Variants in RAB40C observed in about 807,000 individuals in gnomAD.
RAB40C encodes the protein ras-related protein Rab-40C.
A neutral mutation model predicts 28.1 loss-of-function variants in RAB40C; 8 were observed. The ratio of observed to expected loss-of-function variants is 0.28; its 90% confidence interval spans 0.17 to 0.51. The LOEUF (loss-of-function observed/expected upper bound fraction) is 0.51. Among genes scored for constraint, RAB40C ranks in the 20% least tolerant of loss-of-function variants. The pLI, the probability that RAB40C is intolerant of heterozygous loss-of-function variation, is 0.97. For missense variants in RAB40C, 288 were observed against 405.9 expected, an observed-to-expected ratio of 0.71 and a Z score of 2.50; for synonymous variants, 201 against 171.7, an observed-to-expected ratio of 1.17 and a Z score of -1.34.
At chr16:594,104 C>T (rs868573235) in intron 1 of RAB40C, among the ~76,000 whole-genome samples, 2 of 152,168 alleles carry the variant, frequency 1.3e-5, no homozygotes, top group East Asian at 1.9e-4. Context: ...CAGGGGGCAT[C>T]GAAGGTCCTG....
chr16:624,268 C>T lies in RAB40C; in HGVS notation c.265-1164C>T, dbSNP rs540331233. ...GCTTTGGTGGCCCACTCCCCAGTCT[C>T]TCCACCTCCCCCAGCAGCAAATGAG... On this transcript the variant is annotated intron_variant, in intron 3 of 5. Transcript: ENST00000248139. 3 of 985,450 alleles carry T rather than the reference C, an allele frequency of 3.0e-6. No homozygotes were observed. In the African/African-American group the frequency reaches 5.2e-5, roughly 17 times the overall value. 61.0% of individuals were successfully genotyped at this position (985,450 alleles called of 1,614,324 possible).
chr16:624,608 C>T (rs1567194821), intron 3 of RAB40C: 1 of 985,334 alleles, frequency 1.0e-6, no homozygotes, highest in Non-Finnish European at 1.2e-6. Context: ...CTTCTTTCAG[C>T]CTCAGCCTCT....
chr16:623,917 C>T (rs2036773314), intron 3 of RAB40C: 1 of 981,826 alleles, frequency 1.0e-6, no homozygotes, highest in Admixed American at 6.2e-5. Context: ...GCCTGGCTGA[C>T]AGAGTGAGAC....
chr16:613,252 G>T (rs1245367360), intron 1 of RAB40C, among the ~76,000 whole-genome samples: 1 of 149,704 alleles, frequency 6.7e-6, no homozygotes, highest in African/African-American at 2.5e-5. Flanking sequence ...AGGGACAGCC[G>T]CCCTGGCCTG....
intron 1 of RAB40C, among the ~76,000 whole-genome samples, chr16:603,083 GC>G (rs2036289163): frequency 1.3e-5 from 2 of 152,190 alleles, no homozygotes; most frequent in Non-Finnish European, 1.5e-5. Context: ...AGTAGCTGGG[GC>G]CAGACCTGTG....
Position 616,181 on chromosome 16 carries a change from G to A in RAB40C, c.143-1027G>A, listed in dbSNP as rs148864190. On this transcript the variant is annotated intron_variant, in intron 1 of 5. Transcript: ENST00000248139. ...TGAGGCTAGATAATGGCGTGAACCC[G>A]GGAGACGGAGCTTGCAGTGAGCAGA... Among the ~76,000 whole-genome samples the A allele has an allele frequency of 5.8e-3, 878 of 151,252 alleles. 1 individual carries two copies. The highest frequency in any genetic ancestry group is 9.0e-3 in the Non-Finnish European group (611 of 67,762).
chr16:620,687 G>GC (rs1251555635), intron 3 of RAB40C, among the ~76,000 whole-genome samples: 3 of 62,968 alleles, frequency 4.8e-5, no homozygotes, highest in South Asian at 7.2e-4. Context: ...GGGCATCCCA[G>GC]CCCCCCCCGA....
rs763909972 is a variant in RAB40C, at chr16:618,182, C to T, written c.204-18C>T. 6.2e-7 allele frequency: 1 copy of T among 1,610,818 alleles called. No individual in the cohort carries two copies. Among genetic ancestry groups the T allele is most frequent in the Non-Finnish European group, 8.5e-7 (1 of 1,178,948 alleles). On this transcript the variant is annotated intron_variant, in intron 2 of 5. Coordinates refer to ENST00000248139, the MANE Select transcript of RAB40C (RefSeq NM_021168.5). ...CAGGGACCACAGTCCCGGCCCCTCCCCTCCCCGTATGTTTCAGGGACACGT... is the reference window on the plus strand; with the variant it reads ...CAGGGACCACAGTCCCGGCCCCTCCTCTCCCCGTATGTTTCAGGGACACGT...
rs1305085894 is a variant in RAB40C, at chr16:627,358, C to T, written c.582C>T (p.Asp194=). The change falls in exon 6 of 6, where the codon GAC becomes GAT. Residue 194 remains aspartate, a synonymous_variant. Transcript: ENST00000248139. ...WRPNRVFSLQ[D]LCCRAIVSCT... ...GCCCCACAGTGTTCAGCCTGCAGGA[C>T]CTCTGCTGCCGGGCCATCGTCTCCT... is the stretch of plus-strand genomic sequence containing the variant. 1 of 1,613,200 alleles carries T rather than the reference C, an allele frequency of 6.2e-7. No individual in the cohort carries two copies. Among genetic ancestry groups the T allele is most frequent in the Admixed American group, 1.7e-5 (1 of 59,992 alleles).
At chr16:592,294 C>T (rs938449589) in intron 1 of RAB40C, among the ~76,000 whole-genome samples, 12 of 152,222 alleles carry the variant, frequency 7.9e-5, no homozygotes, top group Non-Finnish European at 1.8e-4. Flanking sequence ...CCCCCACTCT[C>T]TCAACTCGGG....
chr16:596,333 C>T (rs1296183587), intron 1 of RAB40C: 7 of 455,970 alleles, frequency 1.5e-5, no homozygotes, highest in East Asian at 1.4e-4. Context: ...GCTGAGAAGG[C>T]GCGAAGCTGC....
At chr16:593,631 G>C (rs770397003) in intron 1 of RAB40C, among the ~76,000 whole-genome samples, 2 of 152,228 alleles carry the variant, frequency 1.3e-5, no homozygotes, top group Non-Finnish European at 2.9e-5. Context: ...GCCCTCTCCA[G>C]CTTCACAAAC....
At chr16:594,795 T>TTGA (rs2036075946) in intron 1 of RAB40C, among the ~76,000 whole-genome samples, 1 of 151,580 alleles carries the variant, frequency 6.6e-6, no homozygotes, top group Non-Finnish European at 1.5e-5. Context: ...TCCCCTGCAC[T>TTGA]TGATTAGGTT....
upstream of RAB40C, chr16:589,971 A>C (rs1367485100): frequency 5.8e-5 from 3 of 51,784 alleles, no homozygotes; most frequent in East Asian, 1.1e-3. Context: ...GAACGCCGTG[A>C]GGGCGGGGAA....
intron 1 of RAB40C, among the ~76,000 whole-genome samples, chr16:599,996 C>A (rs112289264): frequency 1.4e-4 from 18 of 128,382 alleles, no homozygotes; most frequent in Middle Eastern, 4.1e-3. Flanking sequence ...AGGTTTTGTT[C>A]CCTCGTGGCA....
intron 1 of RAB40C, 32 bp from the exon 2 acceptor site, chr16:617,176 G>A (rs761568805): frequency 6.8e-6 from 11 of 1,611,364 alleles, no homozygotes; most frequent in Admixed American, 1.7e-5. Flanking sequence ...CAGGAGTGGC[G>A]CGTCCCCTCA....
chr16:624,988 T>C (rs781573746), intron 3 of RAB40C: 1 of 1,289,552 alleles, frequency 7.8e-7, no homozygotes, highest in South Asian at 1.2e-5. Flanking sequence ...GGACTGGCAT[T>C]CTGCTCTGCA....
intron 3 of RAB40C, chr16:625,079 C>A: frequency 7.8e-7 from 1 of 1,289,130 alleles, no homozygotes; most frequent in Non-Finnish European, 1.0e-6. Flanking sequence ...GATGGACTGG[C>A]CGAGAGGACA....
At chr16:603,601 AT>A (rs1424180863) in intron 1 of RAB40C, among the ~76,000 whole-genome samples, 2 of 152,160 alleles carry the variant, frequency 1.3e-5, no homozygotes, top group Admixed American at 6.5e-5. Flanking sequence ...TGTGGGTTTA[AT>A]TTTTTTAAAT....
Sources: allele counts gnomAD v4.1 joint callset (sites outside exome capture counted in the v4.1 genomes callset), GRCh38; gene constraint gnomAD v4.1.1; transcripts MANE v1.5; gene names NCBI Gene and HGNC (gene_info 2026-07-23, HGNC 2026-07-21).